SWAP70: variants seen among roughly 807,000 people sequenced by gnomAD.
SWAP70 encodes switching B cell complex subunit SWAP70.
Under a neutral mutation model 80.2 loss-of-function variants are expected in SWAP70, and 34 were observed. That is an observed-to-expected ratio of 0.42 (90% CI 0.32 to 0.56). The LOEUF (loss-of-function observed/expected upper bound fraction) is 0.56. SWAP70 is among the 20% of genes least tolerant of loss of function. The pLI is 0.09. For missense variants in SWAP70, 578 were observed against 690.7 expected (o/e 0.84, Z 1.83); for synonymous variants, 239 against 238.5 (o/e 1.00, Z -0.02).
chr11:9,714,990 T>TTTTTA (rs1851047996), intron 3 of SWAP70, among the ~76,000 whole-genome samples: 2 of 148,732 alleles, frequency 1.3e-5, no homozygotes, highest in African/African-American at 2.5e-5. Flanking sequence ...TTTTTTTTTT[T>TTTTTA]AAGAAACGGG....
intron 7 of SWAP70, among the ~76,000 whole-genome samples, chr11:9,735,007 A>G (rs530185747): frequency 1.3e-5 from 2 of 152,320 alleles, no homozygotes; most frequent in East Asian, 1.9e-4. Flanking sequence ...TAGAAGAAGG[A>G]ATAAGAAATC....
At chr11:9,747,810 G>T in intron 9 of SWAP70, 48 bp from the exon 10 acceptor site, 2 of 1,582,974 alleles carry the variant, frequency 1.3e-6, no homozygotes, top group Non-Finnish European at 1.7e-6. Flanking sequence ...CTGGGTCAGG[G>T]TGGTGACCTG....
chr11:9,710,684 A>T lies in SWAP70; in HGVS notation c.241-2782A>T, dbSNP rs2336804. On this transcript the variant is annotated intron_variant, in intron 2 of 11. Transcript: ENST00000318950. ...TTTTTTTTTTTAATTTTCAAAAAAA[A>T]TTTTTTTTTTTTTTATTAAGTGTCT... is the stretch of plus-strand genomic sequence containing the variant. Among the ~76,000 whole-genome samples the T allele has an allele frequency of 6.6e-3, 956 of 145,626 alleles. 10 individuals carry two copies. The highest frequency in any genetic ancestry group is 0.014 in the Middle Eastern group (4 of 284).
At chr11:9,686,432 C>T (rs1216924439) in intron 1 of SWAP70, among the ~76,000 whole-genome samples, 1 of 151,702 alleles carries the variant, frequency 6.6e-6, no homozygotes, top group Non-Finnish European at 1.5e-5. Flanking sequence ...ACCATCACGA[C>T]TCACTGCAGC....
At chr11:9,665,255 C>T (rs993906068) in intron 1 of SWAP70, among the ~76,000 whole-genome samples, 1 of 152,152 alleles carries the variant, frequency 6.6e-6, no homozygotes, top group Non-Finnish European at 1.5e-5. Context: ...ACAGTAATCC[C>T]GTTCTTCTGA....
At chr11:9,684,029 A>G (rs1850601085) in intron 1 of SWAP70, among the ~76,000 whole-genome samples, 1 of 151,616 alleles carries the variant, frequency 6.6e-6, no homozygotes, top group Non-Finnish European at 1.5e-5. Flanking sequence ...TATTTTATAT[A>G]TTTTTGATTT....
intron 1 of SWAP70, among the ~76,000 whole-genome samples, chr11:9,685,759 G>A (rs1235270782): frequency 6.6e-6 from 1 of 151,952 alleles, no homozygotes; most frequent in Admixed American, 6.6e-5. Flanking sequence ...TCAGCTTCCC[G>A]AGTAGCTGGG....
intron 1 of SWAP70, among the ~76,000 whole-genome samples, chr11:9,688,930 C>T (rs1850663735): frequency 6.7e-6 from 1 of 149,336 alleles, no homozygotes; most frequent in African/African-American, 2.4e-5. Context: ...CATGCTGGTC[C>T]ATTGTTAGGA....
At chr11:9,695,323 A>G (rs1394227531) in intron 2 of SWAP70, among the ~76,000 whole-genome samples, 1 of 152,192 alleles carries the variant, frequency 6.6e-6, no homozygotes, top group South Asian at 2.1e-4. Context: ...GTGCACACGT[A>G]TGTTTATTGC....
At chr11:9,685,244 G>A (rs914143050) in intron 1 of SWAP70, among the ~76,000 whole-genome samples, 1 of 152,080 alleles carries the variant, frequency 6.6e-6, no homozygotes, top group African/African-American at 2.4e-5. Context: ...TGCTTTGTGG[G>A]TGGCTCAGAG....
chr11:9,713,207 G>A (rs1453092344), intron 2 of SWAP70, among the ~76,000 whole-genome samples: 2 of 152,120 alleles, frequency 1.3e-5, no homozygotes, highest in South Asian at 2.1e-4. Flanking sequence ...CACATGAAAC[G>A]GTAACTATTT....
At chr11:9,731,984 T>C (rs1393930192) in intron 6 of SWAP70, among the ~76,000 whole-genome samples, 2 of 152,252 alleles carry the variant, frequency 1.3e-5, no homozygotes, top group Non-Finnish European at 2.9e-5. Context: ...AAAGGATGTA[T>C]TTATTTTATT....
At chr11:9,739,312 T>A (rs1402491796) in intron 8 of SWAP70, among the ~76,000 whole-genome samples, 2 of 152,220 alleles carry the variant, frequency 1.3e-5, no homozygotes, top group Non-Finnish European at 2.9e-5. Context: ...AGTCACTTTT[T>A]GTTATTTAGA....
At chr11:9,724,526 C>T (rs1590039144) in intron 3 of SWAP70, 132 bp from the exon 4 acceptor site, 2 of 661,404 alleles carry the variant, frequency 3.0e-6, no homozygotes, top group South Asian at 4.1e-5. Flanking sequence ...TTAGGAGACT[C>T]TAAAGGTAGG....
At chr11:9,713,673 AT>A (rs747132782) in intron 3 of SWAP70, 34 bp downstream of exon 3, 1 of 1,587,154 alleles carries the variant, frequency 6.3e-7, no homozygotes, top group African/African-American at 1.4e-5. Flanking sequence ...TTACTTGGTC[AT>A]TTTAGCATTT....
intron 1 of SWAP70, among the ~76,000 whole-genome samples, chr11:9,682,448 A>G (rs1405085545): frequency 6.6e-6 from 1 of 152,232 alleles, no homozygotes; most frequent in Non-Finnish European, 1.5e-5. Context: ...GACGTGAGGC[A>G]GATTTAGAAT....
intron 4 of SWAP70, among the ~76,000 whole-genome samples, chr11:9,727,425 A>G (rs1590041009): frequency 6.6e-6 from 1 of 152,066 alleles, no homozygotes; most frequent in Non-Finnish European, 1.5e-5. Context: ...AAGTCTCACT[A>G]TGTTGCCCAC....
Position 9,751,779 on chromosome 11 carries a change from T to G in SWAP70, c.*1809T>G, listed in dbSNP as rs1275856411. 1 of 152,156 alleles carries G rather than the reference T, an allele frequency of 6.6e-6. No homozygotes were observed. The highest frequency in any genetic ancestry group is 1.5e-5 in the Non-Finnish European group (1 of 68,020). 9.4% of individuals were successfully genotyped at this position (152,156 alleles called of 1,614,324 possible). A position where few individuals can be genotyped will look rare whatever the true frequency, so the allele number is the denominator to read the frequency against. ...AAGAAATGGTCTGTAGGTATTTGTCTTAAGATTTTTGGCTGTTTAATAAAA... is the reference window on the plus strand; with the variant it reads ...AAGAAATGGTCTGTAGGTATTTGTCGTAAGATTTTTGGCTGTTTAATAAAA... On this transcript the variant is annotated 3_prime_UTR_variant, in exon 12 of 12. Coordinates refer to ENST00000318950, the MANE Select transcript of SWAP70 (RefSeq NM_015055.4).
intron 6 of SWAP70, 41 bp from the exon 7 acceptor site, chr11:9,732,487 TA>T: frequency 6.4e-7 from 1 of 1,552,132 alleles, no homozygotes; most frequent in Non-Finnish European, 8.7e-7. Context: ...AAAGAATAAA[TA>T]ATATCTCCCC....
Sources: gnomAD v4.1 joint callset for allele counts (sites outside exome capture counted in the v4.1 genomes callset) on GRCh38, gnomAD v4.1.1 for gene constraint, MANE v1.5 for transcripts, NCBI Gene and HGNC (gene_info 2026-07-23, HGNC 2026-07-21) for gene names.